Variants in CD84 observed in about 807,000 individuals in gnomAD.
CD84 encodes SLAM family member 5.
In CD84, 22 loss-of-function variants were observed where a neutral mutation model predicts 33.8. The ratio of observed to expected loss-of-function variants is 0.65; its 90% CI spans 0.46 to 0.93. The LOEUF is 0.93. Ranked by LOEUF, CD84 falls within the 40% of genes least tolerant of loss-of-function variation. The pLI is 0.00. For synonymous variants in CD84, 154 were observed against 145.2 expected (o/e 1.06, Z -0.44); for missense variants, 400 against 397.6 (o/e 1.01, Z -0.05).
At chr1:160,550,020 C>CT in intron 5 of CD84, 41 bp from the exon 6 acceptor site, 2 of 1,344,128 alleles carry the variant, frequency 1.5e-6, no homozygotes, top group Non-Finnish European at 2.1e-6. Context: ...GGAGCCCAGG[C>CT]CCATCTACAA....
At chr1:160,567,983 C>T (rs1454134903) in intron 1 of CD84, among the ~76,000 whole-genome samples, 2 of 152,008 alleles carry the variant, frequency 1.3e-5, no homozygotes, top group Admixed American at 6.6e-5. Context: ...AACAAGGGGC[C>T]CTCCATTTTC....
chr1:160,556,509 C>T (rs970273890), intron 2 of CD84, among the ~76,000 whole-genome samples: 3 of 152,234 alleles, frequency 2.0e-5, no homozygotes, highest in African/African-American at 7.2e-5. Context: ...CTGGTATGCA[C>T]ATTAATTATC....
chr1:160,557,630 C>A (rs558989390), intron 2 of CD84, among the ~76,000 whole-genome samples: 1 of 152,302 alleles, frequency 6.6e-6, no homozygotes, highest in South Asian at 2.1e-4. Context: ...TAATGTGAGT[C>A]ACTTATGTAA....
chr1:160,554,277 AAATT>A (rs1436525530), intron 2 of CD84, 131 bp from the exon 3 acceptor site: 24 of 949,484 alleles, frequency 2.5e-5, no homozygotes, highest in Admixed American at 1.5e-4. Flanking sequence ...ATAATTAAAT[AAATT>A]ATGTTAAAAA....
chr1:160,559,861 A>G lies in CD84; in HGVS notation c.388+5543T>C, dbSNP rs369198181. On this transcript the variant is annotated intron_variant, in intron 2 of 6. Transcript: ENST00000368054. ...TTCTGACAAAATAGACTTTAAAGCA[A>G]CAAAGATAAAAAAAGACAAAGAAGG... Among the ~76,000 whole-genome samples, 5 of 152,160 alleles carry G rather than the reference A, an allele frequency of 3.3e-5. No homozygotes were observed. In the South Asian group the frequency reaches 1.0e-3, roughly 32 times the overall value.
At chr1:160,577,562 T>G (rs1368927067) in intron 1 of CD84, among the ~76,000 whole-genome samples, 1 of 152,074 alleles carries the variant, frequency 6.6e-6, no homozygotes, top group Non-Finnish European at 1.5e-5. Flanking sequence ...ACACCTAAGC[T>G]CAAACTCCCA....
rs1017467275 is a variant in CD84, at chr1:160,557,773, C to T, written c.389-3627G>A. ...AATATGAAAATTACTGAGGAGGGGG[C>T]GTCTGCCATCTCTGTGGTTCAGTAG... is the stretch of plus-strand genomic sequence containing the variant. On this transcript the variant is annotated intron_variant, in intron 2 of 6. Coordinates refer to ENST00000368054, the MANE Select transcript of CD84 (RefSeq NM_003874.4). Among the ~76,000 whole-genome samples, 4 of 152,166 alleles carry T rather than the reference C, an allele frequency of 2.6e-5. No individual in the cohort carries two copies. In the South Asian group the frequency reaches 6.2e-4, roughly 24 times the overall value.
rs1656374568 is a variant in CD84, at chr1:160,553,413, G to C, written c.725C>G (p.Ser242Ter). Residue 242 changes from serine (S) to a stop codon, truncating the protein, a stop_gained, in exon 4 of 7, where the codon TCA (serine) becomes TGA (stop). Transcript: ENST00000368054. LOFTEE classifies it high-confidence loss of function. The stretch of plus-strand genomic sequence containing the variant: ...CTTGAACAAACGGAACAAAAACACT[G>C]AAGACAGAATGAGAACAAGCAGAAA... ...MFFLLVLILS[S>*]VFLFRLFKRR... The C allele has an allele frequency of 6.2e-7, 1 of 1,614,108 alleles. No homozygotes were observed. The highest frequency in any genetic ancestry group is 1.3e-5 in the African/African-American group (1 of 75,022).
At chr1:160,566,420 A>T (rs1264348260) in intron 1 of CD84, among the ~76,000 whole-genome samples, 3 of 152,200 alleles carry the variant, frequency 2.0e-5, no homozygotes, top group Non-Finnish European at 2.9e-5. Flanking sequence ...ACTCTCTTGG[A>T]ACAACTTCTG....
chr1:160,554,222 T>G, intron 2 of CD84, 76 bp from the exon 3 acceptor site: 2 of 1,337,542 alleles, frequency 1.5e-6, no homozygotes, highest in Non-Finnish European at 1.9e-6. Context: ...ATTGTTAAAT[T>G]CTCAGAAATT....
intron 1 of CD84, among the ~76,000 whole-genome samples, chr1:160,566,520 G>A (rs1657334126): frequency 1.3e-5 from 2 of 152,048 alleles, no homozygotes; most frequent in Admixed American, 6.6e-5. Flanking sequence ...TACTATGGTG[G>A]GTATTTGTTA....
In CD84 at chr1:160,553,480, G is replaced by A. The variant is rs200833169; in HGVS notation, c.658C>T (p.Arg220Cys). ...CTCAGCAACCCGGTGTGGTGAGTAC[G>A]GAAGCCCATTGCGATGTCTGGAAAT... ...QLCADIAMGF[R>C]THHTGLLSVL... Residue 220 changes from arginine (R) to cysteine (C), a missense_variant, in exon 4 of 7, where the codon CGT becomes TGT. Transcript: ENST00000368054. 4.9e-5 allele frequency: 79 copies of A among 1,614,084 alleles called. No individual in the cohort carries two copies. Among genetic ancestry groups the A allele is most frequent in the Admixed American group, 3.3e-4 (20 of 60,022 alleles).
At chr1:160,551,283 A>T in intron 4 of CD84, 1 of 429,926 alleles carries the variant, frequency 2.3e-6, no homozygotes, top group Non-Finnish European at 4.2e-6. Context: ...AATTTCCCCA[A>T]CCCCTCCCTG....
intron 2 of CD84, among the ~76,000 whole-genome samples, chr1:160,556,055 G>C (rs879736440): frequency 1.3e-5 from 2 of 152,188 alleles, no homozygotes; most frequent in African/African-American, 2.4e-5. Flanking sequence ...GTGTGTGTGC[G>C]TGTGTGTTTC....
intron 1 of CD84, among the ~76,000 whole-genome samples, chr1:160,569,534 A>G (rs1020885107): frequency 2.8e-4 from 25 of 87,788 alleles, no homozygotes; most frequent in African/African-American, 7.8e-4. Flanking sequence ...ACACACACAC[A>G]CACACACGCA....
chr1:160,552,948 G>A (rs1030209198), intron 4 of CD84: 4 of 593,440 alleles, frequency 6.7e-6, no homozygotes, highest in Middle Eastern at 2.7e-4. Context: ...GAGGGACATA[G>A]TGACAACCAT....
intron 1 of CD84, among the ~76,000 whole-genome samples, chr1:160,575,968 G>A (rs1266800780): frequency 6.6e-6 from 1 of 152,092 alleles, no homozygotes; most frequent in Non-Finnish European, 1.5e-5. Flanking sequence ...TTGGAAGCTG[G>A]GTTTTTGATA....
At chr1:160,568,576 A>C (rs1370372702) in intron 1 of CD84, among the ~76,000 whole-genome samples, 1 of 152,176 alleles carries the variant, frequency 6.6e-6, no homozygotes, top group African/African-American at 2.4e-5. Flanking sequence ...ACTTCTACTT[A>C]TGAACTGGAC....
chr1:160,574,332 T>C (rs1490375193), intron 1 of CD84, among the ~76,000 whole-genome samples: 1 of 151,996 alleles, frequency 6.6e-6, no homozygotes, highest in Non-Finnish European at 1.5e-5. Flanking sequence ...TCTATACTGT[T>C]TGTGAAGAAA....
Sources: allele counts gnomAD v4.1 joint callset (sites outside exome capture counted in the v4.1 genomes callset), GRCh38; gene constraint gnomAD v4.1.1; transcripts MANE v1.5; gene names NCBI Gene and HGNC (gene_info 2026-07-23, HGNC 2026-07-21).